PCDH9: variants seen among roughly 807,000 people sequenced by gnomAD.
PCDH9 encodes protocadherin-9.
A neutral mutation model predicts 70.6 loss-of-function variants in PCDH9; 24 were observed. That is an observed-to-expected ratio of 0.34 (90% CI 0.25 to 0.48). The LOEUF (loss-of-function observed/expected upper bound fraction) is 0.48. PCDH9 is among the 20% of genes least tolerant of loss of function. PCDH9 has a pLI of 0.99. For synonymous variants in PCDH9, 562 were observed against 558.5 expected (o/e 1.01, Z -0.09); for missense variants, 1,281 against 1,503.6 (o/e 0.85, Z 2.45).
chr13:66,920,794 A>G lies in PCDH9; in HGVS notation c.3037-17189T>C, dbSNP rs529720114. On this transcript the variant is annotated intron_variant, in intron 2 of 4. Transcript: ENST00000377865. ...TTCCAGTGAGCTATAATTTTCAGAG[A>G]AAAAGATATGTGTATACTCCTTTCC... Among the ~76,000 whole-genome samples, 285 of 151,340 alleles carry G rather than the reference A, an allele frequency of 1.9e-3. 1 individual carries two copies. Among genetic ancestry groups the G allele is most frequent in the Non-Finnish European group, 2.9e-3 (196 of 67,386 alleles).
At chr13:66,981,864 A>T (rs1195949094) in intron 2 of PCDH9, among the ~76,000 whole-genome samples, 1 of 152,212 alleles carries the variant, frequency 6.6e-6, no homozygotes, top group Admixed American at 6.5e-5. Context: ...CACACAGGTA[A>T]AATTTATAAC....
chr13:66,755,078 T>A (rs1040627636), intron 3 of PCDH9, among the ~76,000 whole-genome samples: 1 of 152,176 alleles, frequency 6.6e-6, no homozygotes, highest in Non-Finnish European at 1.5e-5. Flanking sequence ...AAGCCAATAT[T>A]CAAATAACCC....
chr13:66,579,445 C>T (rs528904652), intron 4 of PCDH9, among the ~76,000 whole-genome samples: 2 of 151,990 alleles, frequency 1.3e-5, no homozygotes, highest in South Asian at 2.1e-4. Context: ...TGTTGAAGGT[C>T]AAAAACATGA....
chr13:66,423,065 G>A (rs1261405480), intron 4 of PCDH9, among the ~76,000 whole-genome samples: 1 of 151,926 alleles, frequency 6.6e-6, no homozygotes, highest in Non-Finnish European at 1.5e-5. Context: ...TAGAAGAAAT[G>A]GATGAATGCC....
chr13:66,460,710 G>A (rs888157255), intron 4 of PCDH9, among the ~76,000 whole-genome samples: 1 of 151,764 alleles, frequency 6.6e-6, no homozygotes, highest in Admixed American at 6.6e-5. Context: ...ACACAGATGA[G>A]TCAGTGGAGA....
At chr13:66,755,774 A>G (rs570443584) in intron 3 of PCDH9, among the ~76,000 whole-genome samples, 2 of 152,258 alleles carry the variant, frequency 1.3e-5, no homozygotes, top group East Asian at 3.9e-4. Flanking sequence ...ATGTCTGGGG[A>G]AACAAGGATG....
chr13:67,172,607 G>A (rs536125916), intron 2 of PCDH9, among the ~76,000 whole-genome samples: 1 of 152,216 alleles, frequency 6.6e-6, no homozygotes, highest in East Asian at 1.9e-4. Flanking sequence ...GCCGGGCAAG[G>A]TGGCTCATGC....
chr13:66,919,383 A>G (rs1389347493), intron 2 of PCDH9, among the ~76,000 whole-genome samples: 1 of 151,288 alleles, frequency 6.6e-6, no homozygotes, highest in East Asian at 1.9e-4. Context: ...TGAAGCAAAT[A>G]TAACTTCTTT....
chr13:66,553,421 C>T (rs189426497), intron 4 of PCDH9, among the ~76,000 whole-genome samples: 235 of 152,168 alleles, frequency 1.5e-3, no homozygotes, highest in Non-Finnish European at 2.6e-3. Flanking sequence ...GATACAGGTC[C>T]GTGACTCACA....
intron 2 of PCDH9, among the ~76,000 whole-genome samples, chr13:67,116,824 C>T (rs1038040013): frequency 6.6e-6 from 1 of 152,112 alleles, no homozygotes; most frequent in Non-Finnish European, 1.5e-5. Context: ...TTCCCCAAAG[C>T]AACAACAAAC....
chr13:67,105,707 T>G (rs1449902876), intron 2 of PCDH9, among the ~76,000 whole-genome samples: 1 of 151,972 alleles, frequency 6.6e-6, no homozygotes, highest in African/African-American at 2.4e-5. Flanking sequence ...GCAATTAAAT[T>G]TATACATATC....
intron 3 of PCDH9, among the ~76,000 whole-genome samples, chr13:66,889,984 T>C (rs2139563558): frequency 6.6e-6 from 1 of 152,292 alleles, no homozygotes; most frequent in South Asian, 2.1e-4. Flanking sequence ...AGCTTCTTGC[T>C]CTTCTTAACA....
At chr13:66,443,223 T>C (rs1162720032) in intron 4 of PCDH9, among the ~76,000 whole-genome samples, 3 of 152,220 alleles carry the variant, frequency 2.0e-5, no homozygotes, top group Non-Finnish European at 2.9e-5. Context: ...ATGAACACTT[T>C]AGAACAAATT....
Position 66,971,719 on chromosome 13 carries a change from T to C in PCDH9, c.3037-68114A>G, listed in dbSNP as rs983323055. Reference sequence around the variant, plus strand: ...GGTATCCTTGAACATGTGTTTGTCCTGATGAAGAGCAGAAACAAAACAAGA... The same window carrying C: ...GGTATCCTTGAACATGTGTTTGTCCCGATGAAGAGCAGAAACAAAACAAGA... On this transcript the variant is annotated intron_variant, in intron 2 of 4. Transcript: ENST00000377865. Among the ~76,000 whole-genome samples the C allele has an allele frequency of 2.6e-5, 4 of 151,960 alleles. 1 individual carries two copies. Among genetic ancestry groups the C allele is most frequent in the Admixed American group, 1.3e-4 (2 of 15,222 alleles).
At chr13:66,559,851 C>G (rs948448010) in intron 4 of PCDH9, among the ~76,000 whole-genome samples, 1 of 144,774 alleles carries the variant, frequency 6.9e-6, no homozygotes, top group African/African-American at 2.6e-5. Flanking sequence ...CACACACACA[C>G]ACACACACAC....
At chr13:66,424,821 A>T (rs7335426) in intron 4 of PCDH9, among the ~76,000 whole-genome samples, 57,914 of 151,706 alleles carry the variant, frequency 0.38, 11,972 homozygotes, top group East Asian at 0.51. Context: ...AGGAACAGGG[A>T]TAAATCTACA....
At chr13:67,001,609 A>G (rs1355726203) in intron 2 of PCDH9, among the ~76,000 whole-genome samples, 4 of 151,974 alleles carry the variant, frequency 2.6e-5, no homozygotes, top group African/African-American at 4.8e-5. Flanking sequence ...CTGTGACTGA[A>G]AGAGAGAGAG....
At position 66,889,125 on chromosome 13, in the gene PCDH9, G is replaced by A. The variant is rs563867806; in HGVS notation, c.3138+14379C>T. Among the ~76,000 whole-genome samples the A allele has an allele frequency of 2.6e-5, 4 of 152,300 alleles. No individual in the cohort carries two copies. The East Asian group carries it at 7.7e-4, about 29-fold the overall frequency. On this transcript the variant is annotated intron_variant, in intron 3 of 4. Transcript: ENST00000377865. ...ACTGCTAGGAACTTTGGCCATAAGCGAGTAGATAGCTGTAAAGTACTATCG... is the reference window on the plus strand; with the variant it reads ...ACTGCTAGGAACTTTGGCCATAAGCAAGTAGATAGCTGTAAAGTACTATCG...
chr13:66,326,089 T>C (rs569275885), intron 4 of PCDH9, among the ~76,000 whole-genome samples: 1 of 152,152 alleles, frequency 6.6e-6, no homozygotes, highest in African/African-American at 2.4e-5. Context: ...TTTACTCACC[T>C]CTGGCTTCTC....
Sources: gnomAD v4.1 joint callset for allele counts (sites outside exome capture counted in the v4.1 genomes callset) on GRCh38, gnomAD v4.1.1 for gene constraint, MANE v1.5 for transcripts, NCBI Gene and HGNC (gene_info 2026-07-23, HGNC 2026-07-21) for gene names.